The following SPAST variants were observed in gnomAD, a reference collection of about 807,000 sequenced individuals.
SPAST encodes the protein spastin.
A neutral mutation model predicts 76.6 loss-of-function variants in SPAST; 30 were observed. The ratio of observed to expected loss-of-function variants is 0.39; its 90% CI spans 0.29 to 0.53. The LOEUF (loss-of-function observed/expected upper bound fraction) is 0.53, where lower values mean the gene tolerates loss of function less well. SPAST is among the 20% of genes least tolerant of loss of function. The probability of loss-of-function intolerance (pLI) is 0.68; values close to 1 mark genes in which losing one functional copy is unlikely to be tolerated. For synonymous variants in SPAST, 305 were observed against 281.0 expected (o/e 1.09, Z -0.86); for missense variants, 717 against 770.5 (o/e 0.93, Z 0.82).
chr2:32,081,800 AAAAAG>A (rs1315407707), intron 1 of SPAST, among the ~76,000 whole-genome samples: 2 of 149,532 alleles, frequency 1.3e-5, no homozygotes, highest in African/African-American at 2.4e-5. Context: ...AAAAAAAAAA[AAAAAG>A]GAAAGAAAAG....
Position 32,114,815 on chromosome 2 carries a change from C to A in SPAST, c.860C>A (p.Thr287Asn). The A allele has an allele frequency of 1.2e-6, 2 of 1,613,624 alleles. No individual in the cohort carries two copies. The highest frequency in any genetic ancestry group is 1.3e-5 in the African/African-American group (1 of 75,016). ...AAACAGGGATCTGGTCCTGCTCCTA[C>A]CACTCATAAGGTATTCTGGGACAGT... Reference protein sequence around the residue: ...GVKQGSGPAPTTHKGTPKTNR... With the variant: ...GVKQGSGPAPNTHKGTPKTNR... The change falls in exon 5 of 17, where the codon ACC becomes AAC. Residue 287 changes from threonine (T) to asparagine (N), a missense_variant. This residue lies in a region of SPAST where 543 missense variants were observed against 445.2 expected (regional missense o/e 1.22). Coordinates refer to ENST00000315285, the MANE Select transcript of SPAST (RefSeq NM_014946.4).
At position 32,120,496 on chromosome 2, in the gene SPAST, G is replaced by A. The variant is rs946813886; in HGVS notation, c.1098+4284G>A. The stretch of plus-strand genomic sequence containing the variant: ...TCATTTGCTTCATTTTCATCTTATC[G>A]ATTGATAATTCTTCTGTTCCATTTC... On this transcript the variant is annotated intron_variant, in intron 7 of 16. Coordinates refer to ENST00000315285, the MANE Select transcript of SPAST (RefSeq NM_014946.4). Among the ~76,000 whole-genome samples the A allele has an allele frequency of 4.7e-5, 7 of 149,238 alleles. No individual in the cohort carries two copies. In the South Asian group the frequency reaches 1.3e-3, roughly 27 times the overall value.
intron 4 of SPAST, among the ~76,000 whole-genome samples, chr2:32,109,932 A>G (rs1225480934): frequency 6.7e-6 from 1 of 148,562 alleles, no homozygotes; most frequent in Non-Finnish European, 1.5e-5. Context: ...ATGTATATGC[A>G]TATACATATA....
At chr2:32,112,895 A>G (rs1318811186) in intron 4 of SPAST, among the ~76,000 whole-genome samples, 1 of 152,020 alleles carries the variant, frequency 6.6e-6, no homozygotes, top group Non-Finnish European at 1.5e-5. Context: ...CACAGTAAAC[A>G]TTGTAAATAA....
intron 4 of SPAST, among the ~76,000 whole-genome samples, chr2:32,113,148 G>C (rs1678680520): frequency 6.7e-6 from 1 of 150,072 alleles, no homozygotes; most frequent in Non-Finnish European, 1.5e-5. Context: ...TTTTTTTTGA[G>C]ACAGAGTCCC....
At chr2:32,098,667 A>G in intron 3 of SPAST, 129 bp from the exon 4 acceptor site, 1 of 615,690 alleles carries the variant, frequency 1.6e-6, no homozygotes, top group Non-Finnish European at 2.9e-6. Context: ...ATAAATGCAA[A>G]AACTTTTTAT....
intron 7 of SPAST, among the ~76,000 whole-genome samples, chr2:32,124,259 A>G (rs749298531): frequency 6.6e-6 from 1 of 152,216 alleles, no homozygotes; most frequent in Non-Finnish European, 1.5e-5. Flanking sequence ...GACAACAAGC[A>G]TATGAATATA....
intron 12 of SPAST, 56 bp downstream of exon 12, chr2:32,137,244 T>C: frequency 8.0e-7 from 1 of 1,255,854 alleles, no homozygotes; most frequent in South Asian, 1.2e-5. Flanking sequence ...TTTACTCATG[T>C]GTCCATCTTA....
intron 1 of SPAST, among the ~76,000 whole-genome samples, chr2:32,079,285 G>A (rs142840703): frequency 6.6e-6 from 1 of 151,996 alleles, no homozygotes; most frequent in Admixed American, 6.5e-5. Context: ...GGGAGGCTAA[G>A]TGGGAGTATC....
Position 32,154,376 on chromosome 2 carries a change from G to T in SPAST, c.1731G>T (p.Met577Ile). 1 of 1,612,500 alleles carries T rather than the reference G, an allele frequency of 6.2e-7. No individual in the cohort carries two copies. The highest frequency in any genetic ancestry group is 1.1e-5 in the South Asian group (1 of 91,032). ...EQVKNMSASE[M>I]RNIRLSDFTE... ...TCATGTGCTTTTTAAAAATCTAGATGAGAAATATTCGATTATCTGACTTCA... is the reference window on the plus strand; with the variant it reads ...TCATGTGCTTTTTAAAAATCTAGATTAGAAATATTCGATTATCTGACTTCA... Residue 577 changes from methionine (M) to isoleucine (I), a missense_variant and splice_region_variant, in exon 17 of 17, where the codon ATG becomes ATT. Transcript: ENST00000315285.
Position 32,147,517 on chromosome 2 carries a change from A to G in SPAST, c.1728+259A>G, listed in dbSNP as rs1335374999. ...TTTTTAGTAGAGAGGGCATTTCACC[A>G]TGTTGGCCAGTCTGGCCTCAGACTC... On this transcript the variant is annotated intron_variant, in intron 16 of 16. Transcript: ENST00000315285. 3.3e-5 allele frequency among the ~76,000 whole-genome samples: 5 copies of G among 151,734 alleles called. No homozygotes were observed. The East Asian group carries it at 9.7e-4, about 29-fold the overall frequency.
intron 1 of SPAST, among the ~76,000 whole-genome samples, chr2:32,083,776 A>ATT (rs1178658126): frequency 0.026 from 1,181 of 45,996 alleles, 75 homozygotes; most frequent in Non-Finnish European, 0.036. Context: ...ATATATATAT[A>ATT]TTTTTTTTTT....
chr2:32,131,963 G>T (rs1013900586), intron 9 of SPAST, among the ~76,000 whole-genome samples: 1 of 152,074 alleles, frequency 6.6e-6, no homozygotes, highest in Non-Finnish European at 1.5e-5. Context: ...CCGGCCTACA[G>T]CAACCATTCT....
intron 15 of SPAST, among the ~76,000 whole-genome samples, chr2:32,145,588 T>C (rs1199074838): frequency 6.6e-6 from 1 of 152,256 alleles, no homozygotes; most frequent in Non-Finnish European, 1.5e-5. Flanking sequence ...TTTTCAGTAT[T>C]CTGACATCAT....
At chr2:32,125,137 G>T (rs1679147071) in intron 7 of SPAST, among the ~76,000 whole-genome samples, 2 of 152,140 alleles carry the variant, frequency 1.3e-5, no homozygotes, top group South Asian at 4.1e-4. Flanking sequence ...GGAATGAGAG[G>T]TTATATGGGA....
intron 9 of SPAST, chr2:32,129,287 G>A (rs370248402): frequency 6.1e-4 from 90 of 148,746 alleles, no homozygotes; most frequent in African/African-American, 2.1e-3. Flanking sequence ...ACACAGTCTC[G>A]CTATGTTGCC....
intron 1 of SPAST, among the ~76,000 whole-genome samples, chr2:32,080,812 T>TTTTTTTTTTTTG (rs1558617987): frequency 7.1e-6 from 1 of 140,770 alleles, no homozygotes; most frequent in African/African-American, 2.8e-5. Flanking sequence ...TTTTTTTTTT[T>TTTTTTTTTTTTG]GAGATGGAGT....
intron 1 of SPAST, among the ~76,000 whole-genome samples, chr2:32,076,131 C>T (rs1264461299): frequency 2.7e-5 from 4 of 149,702 alleles, no homozygotes; most frequent in Non-Finnish European, 5.9e-5. Context: ...GAACTCCTCG[C>T]CTCGTGTGAT....
intron 12 of SPAST, among the ~76,000 whole-genome samples, chr2:32,140,598 C>T (rs919711688): frequency 6.6e-5 from 10 of 150,912 alleles, no homozygotes; most frequent in African/African-American, 2.4e-4. Flanking sequence ...GCCTGGGGGA[C>T]AGAGCAAGGC....
Sources: gnomAD v4.1 joint callset for allele counts (sites outside exome capture counted in the v4.1 genomes callset) on GRCh38, gnomAD v4.1.1 for gene constraint, gnomAD v4.1.1 regional missense constraint, MANE v1.5 for transcripts, NCBI Gene and HGNC (gene_info 2026-07-23, HGNC 2026-07-21) for gene names.